Variants in GALNT18 observed in about 807,000 individuals in gnomAD.
GALNT18 encodes the protein GalNAc-transferase 18.
GALNT18 carries 44 observed loss-of-function variants against 69.5 expected under a neutral mutation model. The ratio of observed to expected loss-of-function variants is 0.63; its 90% CI spans 0.50 to 0.81. The LOEUF (loss-of-function observed/expected upper bound fraction) is 0.81, where lower values mean the gene tolerates loss of function less well. Among genes scored for constraint, GALNT18 ranks in the 40% least tolerant of loss-of-function variants. GALNT18 has a pLI of 0.00. For missense variants in GALNT18, 715 were observed against 810.0 expected (o/e 0.88, Z 1.42); for synonymous variants, 364 against 318.2 (o/e 1.14, Z -1.53).
At chr11:11,438,388 G>A (rs1000491817) in intron 2 of GALNT18, among the ~76,000 whole-genome samples, 5 of 152,300 alleles carry the variant, frequency 3.3e-5, no homozygotes, top group African/African-American at 1.2e-4. Context: ...GGTGTTTGCT[G>A]CCCCACGCGG....
At chr11:11,312,071 C>T (rs4568999) in intron 9 of GALNT18, among the ~76,000 whole-genome samples, 65,296 of 151,662 alleles carry the variant, frequency 0.43, 14,175 homozygotes, top group Admixed American at 0.48. Flanking sequence ...GTTCTCCTGT[C>T]TCAGCCTCCT....
intron 1 of GALNT18, among the ~76,000 whole-genome samples, chr11:11,585,411 A>G (rs1231138109): frequency 2.0e-5 from 3 of 150,452 alleles, no homozygotes; most frequent in Non-Finnish European, 4.4e-5. Flanking sequence ...GCTGGAGTAC[A>G]ATGGCGTGAT....
chr11:11,312,792 T>C (rs1283711361), intron 9 of GALNT18, among the ~76,000 whole-genome samples: 2 of 152,162 alleles, frequency 1.3e-5, no homozygotes, highest in African/African-American at 2.4e-5. Context: ...TTCATTTACA[T>C]AAAAAATCAA....
chr11:11,609,362 G>A (rs1483537255), intron 1 of GALNT18, among the ~76,000 whole-genome samples: 1 of 152,160 alleles, frequency 6.6e-6, no homozygotes, highest in Non-Finnish European at 1.5e-5. Context: ...CTGCCACAGG[G>A]GCTTTGCACT....
chr11:11,385,007 T>A lies in GALNT18; in HGVS notation c.596-5743A>T, dbSNP rs149698402. ...ATTTGGCTCATGGTTCTGCAGGCTT[T>A]ATAAGAAGTGCAGTGTCAGCAGTCG... is the stretch of plus-strand genomic sequence containing the variant. On this transcript the variant is annotated intron_variant, in intron 3 of 10. Coordinates refer to ENST00000227756, the MANE Select transcript of GALNT18 (RefSeq NM_198516.3). Among the ~76,000 whole-genome samples the A allele has an allele frequency of 7.2e-5, 11 of 152,248 alleles. No individual in the cohort carries two copies. In the East Asian group the frequency reaches 1.9e-3, roughly 27 times the overall value.
Position 11,538,565 on chromosome 11 carries a change from C to T in GALNT18, c.235+82794G>A, listed in dbSNP as rs1003420810. Among the ~76,000 whole-genome samples, 2 of 152,176 alleles carry T rather than the reference C, an allele frequency of 1.3e-5. No homozygotes were observed. The highest frequency in any genetic ancestry group is 2.9e-5 in the Non-Finnish European group (2 of 68,036). On this transcript the variant is annotated intron_variant, in intron 1 of 10. Coordinates refer to ENST00000227756, the MANE Select transcript of GALNT18 (RefSeq NM_198516.3). This position sits in a 1 kb window ranked among gnomAD's most constrained non-coding sequence, Gnocchi z 5.2. ...TGCTTGCACCAACAACCCGATAGCC[C>T]TGGAGCTCGCGGCACTCCTCTCAGG...
chr11:11,313,965 G>T (rs569155142), intron 9 of GALNT18, among the ~76,000 whole-genome samples: 18 of 152,194 alleles, frequency 1.2e-4, no homozygotes, highest in Non-Finnish European at 2.2e-4. Context: ...CCAGTTCTGT[G>T]CCCGATTTGG....
In GALNT18 at chr11:11,372,777, G is replaced by A; in HGVS notation, c.978-148C>T. Reference sequence around the variant, plus strand: ...AGCCTTGTTCTTGGAGTGGCCCCTGGGTCTGGCCTCACCCAACCACTCCAG... The same window carrying A: ...AGCCTTGTTCTTGGAGTGGCCCCTGAGTCTGGCCTCACCCAACCACTCCAG... On this transcript the variant is annotated intron_variant, in intron 5 of 10. Coordinates refer to ENST00000227756, the MANE Select transcript of GALNT18 (RefSeq NM_198516.3). This position sits in a 1 kb window ranked among gnomAD's most constrained non-coding sequence, Gnocchi z 4.9. 1 of 676,798 alleles carries A rather than the reference G, an allele frequency of 1.5e-6. No homozygotes were observed. The highest frequency in any genetic ancestry group is 2.6e-6 in the Non-Finnish European group (1 of 386,560). 41.9% of individuals were successfully genotyped at this position (676,798 alleles called of 1,614,324 possible).
chr11:11,311,664 A>C (rs1399053047), intron 9 of GALNT18, among the ~76,000 whole-genome samples: 2 of 152,094 alleles, frequency 1.3e-5, no homozygotes, highest in Non-Finnish European at 1.5e-5. Context: ...CTGGCCCATC[A>C]TTAAGAAAGA....
intron 1 of GALNT18, among the ~76,000 whole-genome samples, chr11:11,492,718 A>G (rs1308501114): frequency 1.9e-5 from 2 of 104,508 alleles, no homozygotes; most frequent in Non-Finnish European, 3.5e-5. Flanking sequence ...GGACACAGAG[A>G]GGGGACATCA....
chr11:11,610,650 C>T (rs1236803381), intron 1 of GALNT18, among the ~76,000 whole-genome samples: 1 of 152,158 alleles, frequency 6.6e-6, no homozygotes, highest in Admixed American at 6.5e-5. Context: ...AAAGGCCTGG[C>T]CCAGTTATCG....
At chr11:11,580,818 T>C (rs1478654260) in intron 1 of GALNT18, among the ~76,000 whole-genome samples, 2 of 152,242 alleles carry the variant, frequency 1.3e-5, no homozygotes, top group Non-Finnish European at 2.9e-5. Flanking sequence ...CTTTACCAGC[T>C]GTGAAGCATC....
At chr11:11,566,791 C>T (rs1020247260) in intron 1 of GALNT18, among the ~76,000 whole-genome samples, 1 of 152,148 alleles carries the variant, frequency 6.6e-6, no homozygotes, top group African/African-American at 2.4e-5. Context: ...ACAAAAGGTC[C>T]TGATGAACAG....
intron 3 of GALNT18, among the ~76,000 whole-genome samples, chr11:11,422,139 A>G (rs1564940606): frequency 2.6e-5 from 4 of 152,252 alleles, no homozygotes; most frequent in Admixed American, 1.3e-4. Flanking sequence ...TTGAATCAAC[A>G]GGGAGAGATG....
chr11:11,612,878 C>G (rs1056454517), intron 1 of GALNT18, among the ~76,000 whole-genome samples: 1 of 152,208 alleles, frequency 6.6e-6, no homozygotes, highest in Non-Finnish European at 1.5e-5. Context: ...CACTGTATTT[C>G]TGTGAGCTCT....
At chr11:11,503,259 A>G (rs1857008140) in intron 1 of GALNT18, among the ~76,000 whole-genome samples, 2 of 152,062 alleles carry the variant, frequency 1.3e-5, no homozygotes, top group Non-Finnish European at 2.9e-5. Flanking sequence ...GCTTTCCCAC[A>G]CTTATTAGCT....
intron 1 of GALNT18, among the ~76,000 whole-genome samples, chr11:11,506,166 A>G (rs1425396379): frequency 6.6e-6 from 1 of 152,224 alleles, no homozygotes; most frequent in Non-Finnish European, 1.5e-5. Flanking sequence ...CAAACAATCT[A>G]TGTCCCCAGA....
intron 1 of GALNT18, among the ~76,000 whole-genome samples, chr11:11,460,672 CCT>C (rs34383113): frequency 0.11 from 17,396 of 152,156 alleles, 1,283 homozygotes; most frequent in East Asian, 0.28. Flanking sequence ...CTCCTGCCTC[CCT>C]GTTTCTTCCT....
Position 11,362,998 on chromosome 11 carries a change from T to C in GALNT18, c.1092+9517A>G, listed in dbSNP as rs182376478. 5.3e-3 allele frequency among the ~76,000 whole-genome samples: 804 copies of C among 152,334 alleles called. 6 individuals carry two copies. The highest frequency in any genetic ancestry group is 0.018 in the African/African-American group (766 of 41,590). On this transcript the variant is annotated intron_variant, in intron 6 of 10. Coordinates refer to ENST00000227756, the MANE Select transcript of GALNT18 (RefSeq NM_198516.3). ...GTAAGAAAGGAATGAGGAATATCTC[T>C]ATATACTGTTATAGAACAATCTTCA...
Sources: allele counts gnomAD v4.1 joint callset (sites outside exome capture counted in the v4.1 genomes callset), GRCh38; gene constraint gnomAD v4.1.1; non-coding constraint Gnocchi (gnomAD v3.1); transcripts MANE v1.5; gene names NCBI Gene and HGNC (gene_info 2026-07-23, HGNC 2026-07-21).